TRIM24: variants seen among roughly 807,000 people sequenced by gnomAD.
The protein encoded by TRIM24 is tripartite motif containing 24.
A neutral mutation model predicts 123.9 loss-of-function variants in TRIM24; 29 were observed. The ratio of observed to expected loss-of-function variants is 0.23; its 90% confidence interval spans 0.17 to 0.32. The LOEUF (loss-of-function observed/expected upper bound fraction) is 0.32. Among genes scored for constraint, TRIM24 ranks in the 10% least tolerant of loss-of-function variants. The pLI, the probability that TRIM24 is intolerant of heterozygous loss-of-function variation, is 1.00. For synonymous variants in TRIM24, 456 were observed against 461.1 expected, an observed-to-expected ratio of 0.99 and a Z score of 0.14; for missense variants, 932 against 1,295.3, an observed-to-expected ratio of 0.72 and a Z score of 4.31.
chr7:138,481,006 T>A (rs1353152727), intron 1 of TRIM24, among the ~76,000 whole-genome samples: 3 of 152,112 alleles, frequency 2.0e-5, no homozygotes, highest in African/African-American at 4.8e-5. Context: ...TATTATTATT[T>A]TTTAAGACAG....
intron 1 of TRIM24, among the ~76,000 whole-genome samples, chr7:138,473,231 G>T (rs1422307624): frequency 3.9e-5 from 6 of 152,172 alleles, no homozygotes; most frequent in Admixed American, 3.9e-4. Flanking sequence ...AGTTAGCCTA[G>T]ATCATGCCAC....
intron 1 of TRIM24, among the ~76,000 whole-genome samples, chr7:138,475,266 G>A (rs1453792305): frequency 1.3e-5 from 2 of 152,036 alleles, no homozygotes; most frequent in Admixed American, 1.3e-4. Context: ...GAGGACTTAA[G>A]GATATTATAT....
rs1374729052 is a variant in TRIM24, at chr7:138,460,741, A to T, written c.193A>T (p.Ser65Cys). 26 of 1,576,732 alleles carry T rather than the reference A, an allele frequency of 1.6e-5. No homozygotes were observed. Among genetic ancestry groups the T allele is most frequent in the Non-Finnish European group, 2.2e-5 (26 of 1,164,684 alleles). ...TCAVCHQNIQ[S>C]RAPKLLPCLH... ...CGCCGTGTGCCACCAGAACATCCAG[A>T]GCCGGGCGCCCAAGCTGCTGCCCTG... is the stretch of plus-strand genomic sequence containing the variant. Residue 65 changes from serine to cysteine, a missense_variant, in exon 1 of 19, where the codon AGC (serine) becomes TGC (cysteine). By Grantham distance (112) the Ser-to-Cys change is moderately radical (BLOSUM62 -1). Transcript: ENST00000343526.
chr7:138,490,779 A>G (rs536865598), intron 1 of TRIM24: 2 of 497,984 alleles, frequency 4.0e-6, no homozygotes, highest in South Asian at 3.0e-5. Context: ...AGCCTTTTCT[A>G]TGTCTTTTCC....
At chr7:138,560,115 A>G (rs777992554) in intron 9 of TRIM24, among the ~76,000 whole-genome samples, 1 of 152,236 alleles carries the variant, frequency 6.6e-6, no homozygotes, top group Non-Finnish European at 1.5e-5. Flanking sequence ...GAGGAGGACC[A>G]TGGGCAGGAC....
chr7:138,508,058 A>G (rs1023061608), intron 2 of TRIM24, among the ~76,000 whole-genome samples: 2 of 152,216 alleles, frequency 1.3e-5, no homozygotes, highest in Non-Finnish European at 2.9e-5. Context: ...ATAAGGATCC[A>G]ACAAGGCCTA....
At chr7:138,500,563 C>CAA (rs773042715) in intron 1 of TRIM24, among the ~76,000 whole-genome samples, 1,888 of 61,340 alleles carry the variant, frequency 0.031, 48 homozygotes, top group African/African-American at 0.096. Context: ...GACCTTGTTT[C>CAA]AAAAAAAAAA....
chr7:138,522,779 A>G (rs146862846), intron 4 of TRIM24, among the ~76,000 whole-genome samples: 13 of 152,320 alleles, frequency 8.5e-5, no homozygotes, highest in African/African-American at 2.9e-4. Flanking sequence ...ATAAGGAGAT[A>G]TATGATCTCT....
intron 1 of TRIM24, among the ~76,000 whole-genome samples, chr7:138,474,764 G>A (rs1463097550): frequency 6.6e-6 from 1 of 152,106 alleles, no homozygotes; most frequent in African/African-American, 2.4e-5. Context: ...GCATGTCTGT[G>A]TTTATTTCTG....
chr7:138,491,189 G>A (rs1795772819), intron 1 of TRIM24: 1 of 252,272 alleles, frequency 4.0e-6, no homozygotes, highest in Non-Finnish European at 8.0e-6. Context: ...CATAACCCTT[G>A]AGACCATCAG....
intron 18 of TRIM24, among the ~76,000 whole-genome samples, 176 bp from the exon 19 acceptor site, chr7:138,584,566 T>TC (rs1370353058): frequency 6.6e-6 from 1 of 152,232 alleles, no homozygotes; most frequent in African/African-American, 2.4e-5. Context: ...TTATCTTTTT[T>TC]CCACACTTCT....
At chr7:138,559,481 T>G (rs574253024) in intron 9 of TRIM24, among the ~76,000 whole-genome samples, 1 of 152,200 alleles carries the variant, frequency 6.6e-6, no homozygotes, top group South Asian at 2.1e-4. Context: ...GGAAAGCTAT[T>G]GGACCTAAGA....
At chr7:138,578,569 C>G (rs942390998) in intron 14 of TRIM24, among the ~76,000 whole-genome samples, 1 of 139,572 alleles carries the variant, frequency 7.2e-6, no homozygotes, top group Non-Finnish European at 1.6e-5. Context: ...TGTGTGCGCG[C>G]ACGCACGAAT....
In TRIM24 at chr7:138,460,908, C is replaced by G; in HGVS notation, c.360C>G (p.Thr120=). The part of the protein sequence containing the change: ...SPVSGSSPFA[T]QVGVIRCPVC... ...TCAGCGGCTCGTCGCCGTTCGCCACCCAAGGTGAGAACCGGCCGCGGCCGC... is the reference window on the plus strand; with the variant it reads ...TCAGCGGCTCGTCGCCGTTCGCCACGCAAGGTGAGAACCGGCCGCGGCCGC... Residue 120 remains threonine, a synonymous_variant, in exon 1 of 19, where the codon ACC becomes ACG. Coordinates refer to ENST00000343526, the MANE Select transcript of TRIM24 (RefSeq NM_015905.3). The G allele has an allele frequency of 6.7e-7, 1 of 1,493,042 alleles. No homozygotes were observed. Among genetic ancestry groups the G allele is most frequent in the Non-Finnish European group, 8.9e-7 (1 of 1,129,918 alleles). 92.5% of individuals were successfully genotyped at this position (1,493,042 alleles called of 1,614,324 possible). A position where few individuals can be genotyped will look rare whatever the true frequency, so the allele number is the denominator to read the frequency against.
intron 17 of TRIM24, 35 bp from the exon 18 acceptor site, chr7:138,583,815 G>C (rs1391457142): frequency 4.2e-5 from 59 of 1,393,494 alleles, no homozygotes; most frequent in Non-Finnish European, 5.8e-5. Flanking sequence ...GTGGAATTTA[G>C]CTATTTGTAT....
chr7:138,586,164 C>A lies in TRIM24; in HGVS notation c.*1213C>A. The stretch of plus-strand genomic sequence containing the variant: ...GCATATTCTTAATGTGCCAGACCTA[C>A]CCGGTTCAGCTGATATAGATAGATA... On this transcript the variant is annotated 3_prime_UTR_variant, in exon 19 of 19. Coordinates refer to ENST00000343526, the MANE Select transcript of TRIM24 (RefSeq NM_015905.3). The A allele has an allele frequency of 3.1e-6, 1 of 319,182 alleles. No individual in the cohort carries two copies. The highest frequency in any genetic ancestry group is 6.2e-6 in the Non-Finnish European group (1 of 161,822). The allele number at this position is 319,182 out of a possible 1,614,324, so 19.8% of individuals were successfully genotyped here.
Position 138,460,341 on chromosome 7 carries a change from A to G in TRIM24, c.-208A>G. On this transcript the variant is annotated 5_prime_UTR_variant, in exon 1 of 19. The change creates a new upstream start codon in the 5' untranslated region. Transcript: ENST00000343526. ...CGAGGAACGGTCTCCGCTGACAGAT[A>G]CCCTCCTTCCGGCCGCGCCACTCGG... 1 of 439,632 alleles carries G rather than the reference A, an allele frequency of 2.3e-6. No homozygotes were observed. The highest frequency in any genetic ancestry group is 3.8e-6 in the Non-Finnish European group (1 of 264,992). The allele number at this position is 439,632 out of a possible 1,614,324, so 27.2% of individuals were successfully genotyped here.
chr7:138,573,936 C>T (rs112600248), intron 12 of TRIM24, among the ~76,000 whole-genome samples: 3 of 152,282 alleles, frequency 2.0e-5, no homozygotes, highest in African/African-American at 7.2e-5. Context: ...GTAGCTGGGA[C>T]TGTAAGTATG....
intron 1 of TRIM24, among the ~76,000 whole-genome samples, chr7:138,466,502 T>C (rs1274089305): frequency 4.1e-5 from 5 of 122,972 alleles, no homozygotes; most frequent in Admixed American, 3.1e-4. Context: ...TCTCACTGTG[T>C]TGCCCATACT....
Sources: gnomAD v4.1 joint callset for allele counts (sites outside exome capture counted in the v4.1 genomes callset) on GRCh38, gnomAD v4.1.1 for gene constraint, MANE v1.5 for transcripts, NCBI Gene and HGNC (gene_info 2026-07-23, HGNC 2026-07-21) for gene names.